The following FAM240B variants were observed in gnomAD, a reference collection of about 807,000 sequenced individuals.
FAM240B encodes the protein protein FAM240B.
intron 1 of FAM240B, among the ~76,000 whole-genome samples, chr9:38,717,396 G>T (rs559519192): frequency 2.6e-5 from 4 of 151,970 alleles, no homozygotes; most frequent in East Asian, 2.0e-4. Flanking sequence ...CTGGCCAACA[G>T]GGTGAAACCC....
In FAM240B at chr9:38,712,528, A is replaced by G. The variant is rs576111301; in HGVS notation, c.-4+7494T>C. Among the ~76,000 whole-genome samples the G allele has an allele frequency of 1.4e-4, 22 of 152,296 alleles. No individual in the cohort carries two copies. In the South Asian group the frequency reaches 4.6e-3, roughly 32 times the overall value. ...TTATGCTAGATTTTACTATTCCTGT[A>G]TTCGTGAGCGAGAAAGTGAATCTGA... On this transcript the variant is annotated intron_variant, in intron 1 of 2. Coordinates refer to ENST00000637493, the MANE Select transcript of FAM240B (RefSeq NM_001394922.1).
chr9:38,708,117 T>C (rs982766165), intron 1 of FAM240B, among the ~76,000 whole-genome samples: 5 of 152,104 alleles, frequency 3.3e-5, no homozygotes, highest in Non-Finnish European at 4.4e-5. Flanking sequence ...AAAGAAAACA[T>C]GGCGTTTGGC....
intron 1 of FAM240B, among the ~76,000 whole-genome samples, chr9:38,708,534 G>C (rs900067836): frequency 1.3e-5 from 2 of 152,242 alleles, no homozygotes; most frequent in Non-Finnish European, 2.9e-5. Flanking sequence ...CCAGGATGGA[G>C]AGAAAGCTCA....
chr9:38,704,871 G>A (rs143302844), intron 1 of FAM240B, among the ~76,000 whole-genome samples: 23 of 152,322 alleles, frequency 1.5e-4, no homozygotes, highest in African/African-American at 5.1e-4. Context: ...GCAGGAGCTG[G>A]CATTTGAACC....
intron 1 of FAM240B, among the ~76,000 whole-genome samples, chr9:38,707,425 A>T (rs968252490): frequency 7.9e-5 from 12 of 152,030 alleles, no homozygotes; most frequent in African/African-American, 2.2e-4. Context: ...GGTTACAGAA[A>T]ATAGCTGAAA....
chr9:38,704,191 A>G (rs867102628), intron 1 of FAM240B, among the ~76,000 whole-genome samples, 189 bp from the exon 2 acceptor site: 5 of 151,766 alleles, frequency 3.3e-5, no homozygotes, highest in African/African-American at 9.7e-5. Flanking sequence ...TGGGAATAAT[A>G]ATAGCTATGC....
At chr9:38,707,945 A>G (rs967937421) in intron 1 of FAM240B, among the ~76,000 whole-genome samples, 37 of 152,140 alleles carry the variant, frequency 2.4e-4, no homozygotes, top group Non-Finnish European at 1.5e-5. Context: ...AGTGGGCATG[A>G]ACTTTGGAAG....
chr9:38,708,264 A>G (rs1202364181), intron 1 of FAM240B, among the ~76,000 whole-genome samples: 1 of 151,870 alleles, frequency 6.6e-6, no homozygotes, highest in Non-Finnish European at 1.5e-5. Context: ...ACCCTGAACT[A>G]TTTTGCTTTC....
rs952616036 is a variant in FAM240B, at chr9:38,703,980, C to T, written c.20G>A (p.Arg7His). The change falls in exon 2 of 3, where the codon CGT (arginine) becomes CAT (histidine). Residue 7 changes from arginine to histidine, a missense_variant. Coordinates refer to ENST00000637493, the MANE Select transcript of FAM240B (RefSeq NM_001394922.1). Reference protein sequence around the residue: MNNQYIRREVFCCGTCH... With the variant: MNNQYIHREVFCCGTCH... ...AGTTCCACAGCAGAAGACTTCTCGACGGATGTATTGATTGTTCATCCCCTG... is the reference window on the plus strand; with the variant it reads ...AGTTCCACAGCAGAAGACTTCTCGATGGATGTATTGATTGTTCATCCCCTG... 3.0e-5 allele frequency: 12 copies of T among 400,066 alleles called. No individual in the cohort carries two copies. In the South Asian group the frequency reaches 6.3e-4, roughly 21 times the overall value. The allele number at this position is 400,066 out of a possible 1,614,324, so 24.8% of individuals were successfully genotyped here.
intron 1 of FAM240B, among the ~76,000 whole-genome samples, chr9:38,704,925 T>C (rs1329020487): frequency 6.6e-6 from 1 of 152,206 alleles, no homozygotes; most frequent in Non-Finnish European, 1.5e-5. Flanking sequence ...GCTCTACAGA[T>C]CTTCTTTGCT....
At chr9:38,707,370 G>A (rs188844001) in intron 1 of FAM240B, among the ~76,000 whole-genome samples, 5 of 152,272 alleles carry the variant, frequency 3.3e-5, no homozygotes, top group Admixed American at 3.3e-4. Flanking sequence ...GATATGGAAG[G>A]AGGATTTACT....
chr9:38,705,373 AG>A (rs1276789232), intron 1 of FAM240B: 1 of 152,412 alleles, frequency 6.6e-6, no homozygotes, highest in South Asian at 2.1e-4. Flanking sequence ...GCGGATCACG[AG>A]GTCAGGAGAT....
At chr9:38,711,817 C>T (rs186179641) in intron 1 of FAM240B, among the ~76,000 whole-genome samples, 37 of 152,024 alleles carry the variant, frequency 2.4e-4, no homozygotes, top group Non-Finnish European at 4.0e-4. Flanking sequence ...CCACCATATC[C>T]GGCTAATTTT....
At chr9:38,705,820 G>C (rs1821185246) in intron 1 of FAM240B, among the ~76,000 whole-genome samples, 1 of 152,196 alleles carries the variant, frequency 6.6e-6, no homozygotes, top group Admixed American at 6.5e-5. Flanking sequence ...ATTCGATAAA[G>C]ATTTTAAGAA....
intron 2 of FAM240B, among the ~76,000 whole-genome samples, chr9:38,700,002 C>T (rs1409026381): frequency 6.6e-6 from 1 of 152,160 alleles, no homozygotes; most frequent in Non-Finnish European, 1.5e-5. Flanking sequence ...AAGAGGCGGG[C>T]CTGAGTCTGG....
chr9:38,698,411 C>A (rs1278235695), intron 2 of FAM240B, among the ~76,000 whole-genome samples: 2 of 152,176 alleles, frequency 1.3e-5, no homozygotes, highest in African/African-American at 2.4e-5. Context: ...AATCACATTT[C>A]ATTATTATTC....
intron 1 of FAM240B, among the ~76,000 whole-genome samples, chr9:38,712,076 G>A (rs1030111254): frequency 6.6e-6 from 1 of 152,144 alleles, no homozygotes; most frequent in Non-Finnish European, 1.5e-5. Flanking sequence ...GTCTTAGGAG[G>A]AGGCTCAGGG....
chr9:38,711,608 T>C (rs942206275), intron 1 of FAM240B, among the ~76,000 whole-genome samples: 2 of 147,682 alleles, frequency 1.4e-5, no homozygotes, highest in Non-Finnish European at 2.9e-5. Flanking sequence ...ATTTTCTTTT[T>C]CTTTCTCTCT....
intron 1 of FAM240B, among the ~76,000 whole-genome samples, chr9:38,709,205 T>C (rs62567672): frequency 0.055 from 8,384 of 152,250 alleles, 319 homozygotes; most frequent in Non-Finnish European, 0.086. Context: ...TGCTGGTGAA[T>C]CTGAACTTCA....
Sources: gnomAD v4.1 joint callset for allele counts (sites outside exome capture counted in the v4.1 genomes callset) on GRCh38, gnomAD v4.1.1 for gene constraint, MANE v1.5 for transcripts, NCBI Gene and HGNC (gene_info 2026-07-23, HGNC 2026-07-21) for gene names.